The following KLKB1 variants were observed in gnomAD, a reference collection of about 807,000 sequenced individuals.
KLKB1 encodes the protein plasma kallikrein.
Under a neutral mutation model 73.6 loss-of-function variants are expected in KLKB1, and 58 were observed. The observed-to-expected ratio is 0.79, with a 90% confidence interval of 0.64 to 0.98. The LOEUF is 0.98. Among genes scored for constraint, KLKB1 ranks in the 50% least tolerant of loss-of-function variants. KLKB1 has a pLI of 0.00. For missense variants in KLKB1, 737 were observed against 763.8 expected, an observed-to-expected ratio of 0.96 and a Z score of 0.41; for synonymous variants, 280 against 258.1, an observed-to-expected ratio of 1.08 and a Z score of -0.81.
chr4:186,232,007 G>A, intron 2 of KLKB1, 120 bp from the exon 3 acceptor site: 1 of 681,182 alleles, frequency 1.5e-6, no homozygotes, highest in Non-Finnish European at 2.4e-6. Flanking sequence ...AGCATAATTA[G>A]AGTTGTATTA....
rs1285035172 is a variant in KLKB1, at chr4:186,228,248, C to T, written c.53C>T (p.Ser18Phe). The T allele has an allele frequency of 6.3e-7, 1 of 1,592,534 alleles. No homozygotes were observed. Among genetic ancestry groups the T allele is most frequent in the Non-Finnish European group, 8.6e-7 (1 of 1,160,530 alleles). ...TYFISLFATV[S>F]CGCLTQLYEN... ...TTCATTTCCTTGTTTGCTACAGTTTCCTGTGGTAAGTGAATTATCTATAAA... is the reference window on the plus strand; with the variant it reads ...TTCATTTCCTTGTTTGCTACAGTTTTCTGTGGTAAGTGAATTATCTATAAA... The change falls in exon 2 of 15, where the codon TCC (serine) becomes TTC (phenylalanine). Residue 18 changes from serine (S) to phenylalanine (F), a missense_variant. Transcript: ENST00000264690.
intron 4 of KLKB1, among the ~76,000 whole-genome samples, chr4:186,236,513 G>A (rs1224683544): frequency 6.6e-6 from 1 of 152,128 alleles, no homozygotes; most frequent in African/African-American, 2.4e-5. Flanking sequence ...AAATTTACCT[G>A]TATTGCTGCA....
At chr4:186,217,453 T>C (rs1464773241) in intron 2 of KLKB1, among the ~76,000 whole-genome samples, 2 of 152,232 alleles carry the variant, frequency 1.3e-5, no homozygotes, top group Non-Finnish European at 2.9e-5. Flanking sequence ...AATATGCTAC[T>C]TCCTTCTCAC....
intron 11 of KLKB1, among the ~76,000 whole-genome samples, chr4:186,253,626 C>T (rs899362717): frequency 1.6e-5 from 2 of 121,328 alleles, no homozygotes; most frequent in African/African-American, 6.1e-5. Context: ...GGCCCCTTTG[C>T]ACCTGATATC....
At chr4:186,213,330 T>A (rs971692737) in intron 2 of KLKB1, 2 of 152,222 alleles carry the variant, frequency 1.3e-5, no homozygotes, top group African/African-American at 4.8e-5. Context: ...GAAAAATAAA[T>A]TCTATTTTAG....
At chr4:186,255,758 G>A (rs551035925) in intron 12 of KLKB1, among the ~76,000 whole-genome samples, 4 of 152,244 alleles carry the variant, frequency 2.6e-5, no homozygotes, top group East Asian at 3.9e-4. Context: ...CATAGATTTA[G>A]GTTCTGAGTT....
intron 13 of KLKB1, among the ~76,000 whole-genome samples, chr4:186,256,843 G>T (rs1009957655): frequency 6.6e-6 from 1 of 152,108 alleles, no homozygotes; most frequent in Non-Finnish European, 1.5e-5. Context: ...TGGGATTTCT[G>T]GGGGGCTGCT....
intron 14 of KLKB1, 66 bp downstream of exon 14, chr4:186,257,431 C>A: frequency 3.5e-6 from 5 of 1,419,670 alleles, no homozygotes; most frequent in East Asian, 2.5e-5. Flanking sequence ...AATATATTTT[C>A]CAATAGCATA....
intron 4 of KLKB1, among the ~76,000 whole-genome samples, chr4:186,235,234 G>A (rs1737597872): frequency 6.6e-6 from 1 of 152,124 alleles, no homozygotes; most frequent in South Asian, 2.1e-4. Flanking sequence ...ATTTCTGATT[G>A]TTGTATCTTG....
chr4:186,252,220 C>T, intron 11 of KLKB1, 35 bp downstream of exon 11: 1 of 1,605,940 alleles, frequency 6.2e-7, no homozygotes, highest in Non-Finnish European at 8.5e-7. Flanking sequence ...AGAGTCTTAT[C>T]TTGGCTTTTC....
chr4:186,238,472 G>T, intron 6 of KLKB1, 107 bp downstream of exon 6: 1 of 805,974 alleles, frequency 1.2e-6, no homozygotes, highest in Non-Finnish European at 2.2e-6. Flanking sequence ...CCCATAGCTG[G>T]CAAAAGCGTT....
rs67371055 is a variant in KLKB1, at chr4:186,257,744, AGTGTGTGTGTGTGTGT to A, written c.1726-256_1726-241del. Among the ~76,000 whole-genome samples, 872 of 147,194 alleles carry A rather than the reference AGTGTGTGTGTGTGTGT, an allele frequency of 5.9e-3. 4 individuals are homozygous for A. The highest frequency in any genetic ancestry group is 0.015 in the African/African-American group (614 of 39,700). On this transcript the variant is annotated intron_variant, in intron 14 of 14. Transcript: ENST00000264690. ...ACTTGGAGAACTTTAAGAAAGAGTGAGTGTGTGTGTGTGTGTGTGTGTGTGTGTGTGTGTGTCTGGC... is the reference window on the plus strand; with the variant it reads ...ACTTGGAGAACTTTAAGAAAGAGTGAGTGTGTGTGTGTGTGTGTGTCTGGC...
intron 5 of KLKB1, 142 bp downstream of exon 5, chr4:186,237,082 T>A: frequency 1.4e-6 from 1 of 696,844 alleles, no homozygotes; most frequent in Non-Finnish European, 2.4e-6. Flanking sequence ...TACTCTATTT[T>A]ATTTTTTTAT....
In KLKB1 at chr4:186,256,062, C is replaced by T. The variant is rs376558433; in HGVS notation, c.1560C>T (p.Thr520=). 3.7e-5 allele frequency: 59 copies of T among 1,610,790 alleles called. No individual in the cohort carries two copies. The Admixed American group carries it at 4.2e-4, about 11-fold the overall frequency. Residue 520 remains threonine, a synonymous_variant, in exon 13 of 15, where the codon ACC becomes ACT. Coordinates refer to ENST00000264690, the MANE Select transcript of KLKB1 (RefSeq NM_000892.5). ...TSTIYTNCWV[T]GWGFSKEKGE... The stretch of plus-strand genomic sequence containing the variant: ...CAATTTATACCAACTGTTGGGTAAC[C>T]GGATGGGGCTTCTCGAAGGAGAAAG...
chr4:186,219,951 C>G (rs1344180608), intron 2 of KLKB1, among the ~76,000 whole-genome samples: 1 of 152,022 alleles, frequency 6.6e-6, no homozygotes, highest in African/African-American at 2.4e-5. Context: ...ATCACCACAG[C>G]CAACACTGCA....
chr4:186,256,016 C>A lies in KLKB1; in HGVS notation c.1514C>A (p.Pro505His), dbSNP rs1462015552. The change falls in exon 13 of 15, where the codon CCT (proline) becomes CAT (histidine). Residue 505 changes from proline to histidine, a missense_variant. Coordinates refer to ENST00000264690, the MANE Select transcript of KLKB1 (RefSeq NM_000892.5). ...YTEFQKPICL[P>H]SKGDTSTIYT... ...GAATTCCAAAAACCAATATGCCTAC[C>A]TTCCAAAGGTGACACAAGCACAATT... The A allele has an allele frequency of 6.2e-7, 1 of 1,612,196 alleles. No homozygotes were observed. The highest frequency in any genetic ancestry group is 8.5e-7 in the Non-Finnish European group (1 of 1,178,256).
intron 2 of KLKB1, chr4:186,228,986 A>G (rs1408317995): frequency 6.6e-6 from 1 of 152,240 alleles, no homozygotes; most frequent in African/African-American, 2.4e-5. Context: ...ATAAACATCT[A>G]TAGGTAAGGT....
chr4:186,216,634 C>T (rs147772741), intron 2 of KLKB1, among the ~76,000 whole-genome samples: 1 of 152,146 alleles, frequency 6.6e-6, no homozygotes, highest in Non-Finnish European at 1.5e-5. Context: ...GAGAAAAATC[C>T]TCTTTCAAGC....
intron 4 of KLKB1, among the ~76,000 whole-genome samples, chr4:186,235,854 G>A (rs987224083): frequency 3.3e-5 from 5 of 151,934 alleles, no homozygotes; most frequent in African/African-American, 9.7e-5. Context: ...GGTGGCTCAC[G>A]CCTGTAATCC....
Sources: gnomAD v4.1 joint callset for allele counts (sites outside exome capture counted in the v4.1 genomes callset) on GRCh38, gnomAD v4.1.1 for gene constraint, MANE v1.5 for transcripts, NCBI Gene and HGNC (gene_info 2026-07-23, HGNC 2026-07-21) for gene names.